The following IL16 variants were observed in gnomAD, a reference collection of about 807,000 sequenced individuals.
IL16 encodes the protein pro-interleukin-16.
A neutral mutation model predicts 110.1 loss-of-function variants in IL16; 67 were observed. The ratio of observed to expected loss-of-function variants is 0.61; its 90% confidence interval spans 0.50 to 0.75. IL16 has a LOEUF of 0.75. Among genes scored for constraint, IL16 ranks in the 30% least tolerant of loss-of-function variants. IL16 has a pLI of 0.00. For missense variants in IL16, 1,545 were observed against 1,655.0 expected (o/e 0.93, Z 1.15); for synonymous variants, 689 against 662.9 (o/e 1.04, Z -0.61).
In IL16 at chr15:81,311,238, A is replaced by G. The variant is rs1389503792; in HGVS notation, c.*2440A>G. 2.0e-5 allele frequency: 3 copies of G among 152,222 alleles called. No homozygotes were observed. The East Asian group carries it at 5.8e-4, about 29-fold the overall frequency. The allele number at this position is 152,222 out of a possible 1,614,324, so 9.4% of individuals were successfully genotyped here. On this transcript the variant is annotated 3_prime_UTR_variant, in exon 19 of 19. Coordinates refer to ENST00000683961, the MANE Select transcript of IL16 (RefSeq NM_172217.5). ...TTGTGAAGTCGTCTTAACTCACCAT[A>G]AAAAGGAATCCACTCCCAGGCAGCC...
chr15:81,296,923 C>A lies in IL16; in HGVS notation c.1903-5C>A. The stretch of plus-strand genomic sequence containing the variant: ...ACATGGTCTCGCTTCCTGTTTACAC[C>A]ACAGGAAGCGAGAGAGCTGCTGCCA... On this transcript the variant is annotated splice_polypyrimidine_tract_variant and splice_region_variant and intron_variant, in intron 12 of 18. Coordinates refer to ENST00000683961, the MANE Select transcript of IL16 (RefSeq NM_172217.5). The A allele has an allele frequency of 6.2e-7, 1 of 1,605,752 alleles. No individual in the cohort carries two copies. The highest frequency in any genetic ancestry group is 8.5e-7 in the Non-Finnish European group (1 of 1,175,768).
chr15:81,223,865 G>C (rs1285071177), intron 1 of IL16, among the ~76,000 whole-genome samples: 1 of 152,222 alleles, frequency 6.6e-6, no homozygotes, highest in East Asian at 1.9e-4. Context: ...GAACTCTGCA[G>C]AGGCTTGGAT....
intron 1 of IL16, among the ~76,000 whole-genome samples, chr15:81,222,391 T>TTA (rs1555414392): frequency 4.0e-5 from 6 of 149,144 alleles, no homozygotes; most frequent in African/African-American, 1.5e-4. Flanking sequence ...TTTTTTTTTT[T>TTA]AAGCAAAAAG....
chr15:81,210,854 C>A (rs532917764), intron 1 of IL16, among the ~76,000 whole-genome samples: 2 of 152,290 alleles, frequency 1.3e-5, no homozygotes, highest in East Asian at 3.9e-4. Flanking sequence ...TGCCTGATTG[C>A]TCTGGCTAGA....
intron 10 of IL16, 130 bp downstream of exon 10, chr15:81,285,960 A>C (rs180954053): frequency 2.1e-6 from 2 of 944,966 alleles, no homozygotes; most frequent in African/African-American, 3.3e-5. Context: ...ATCCCTTCCA[A>C]GTTTCTGTAG....
intron 10 of IL16, among the ~76,000 whole-genome samples, chr15:81,288,603 A>T (rs1406504363): frequency 6.6e-6 from 1 of 152,204 alleles, no homozygotes; most frequent in African/African-American, 2.4e-5. Flanking sequence ...TCTACCAGTT[A>T]AACAAGTCCC....
At chr15:81,261,899 T>C (rs1898172481) in intron 3 of IL16, among the ~76,000 whole-genome samples, 1 of 151,986 alleles carries the variant, frequency 6.6e-6, no homozygotes, top group African/African-American at 2.4e-5. Flanking sequence ...TGAAACCATG[T>C]CTCTACAAAA....
intron 1 of IL16, among the ~76,000 whole-genome samples, chr15:81,203,145 A>G (rs9673004): frequency 0.14 from 19,628 of 138,816 alleles, 2,871 homozygotes; most frequent in African/African-American, 0.41. Context: ...GTCTGTTCAT[A>G]TCCTTCACCC....
chr15:81,186,384 G>A (rs1245257222), intron 1 of IL16, among the ~76,000 whole-genome samples: 2 of 152,180 alleles, frequency 1.3e-5, no homozygotes, highest in African/African-American at 4.8e-5. Flanking sequence ...TTGAACACAG[G>A]CGGGTCTATT....
At chr15:81,189,522 T>A (rs1895467234) in intron 1 of IL16, among the ~76,000 whole-genome samples, 1 of 152,042 alleles carries the variant, frequency 6.6e-6, no homozygotes, top group Non-Finnish European at 1.5e-5. Context: ...TGGCCTCAAG[T>A]GATTCTCCCA....
intron 2 of IL16, among the ~76,000 whole-genome samples, chr15:81,242,351 G>A (rs904756594): frequency 1.3e-5 from 2 of 152,108 alleles, no homozygotes; most frequent in African/African-American, 4.8e-5. Context: ...ACTATGCTGA[G>A]TTTTTCAATC....
chr15:81,280,356 G>T (rs1899119160), intron 8 of IL16, among the ~76,000 whole-genome samples: 1 of 152,254 alleles, frequency 6.6e-6, no homozygotes, highest in Non-Finnish European at 1.5e-5. Flanking sequence ...AGGCCAGCAT[G>T]GCTGGAGCTA....
At chr15:81,182,878 T>C (rs1895364583) in exon 1 of IL16, 1 of 1,289,460 alleles carries the variant, frequency 7.8e-7, no homozygotes, top group African/African-American at 1.5e-5. Flanking sequence ...GAAGAGAGTC[T>C]TCCCGAGAAG....
intron 1 of IL16, among the ~76,000 whole-genome samples, chr15:81,221,841 G>T (rs1205649245): frequency 6.6e-6 from 1 of 152,128 alleles, no homozygotes; most frequent in Non-Finnish European, 1.5e-5. Context: ...TGATTCTCTT[G>T]GGAAGAGCTT....
Position 81,285,865 on chromosome 15 carries a change from C to T in IL16, c.1332+35C>T, listed in dbSNP as rs139031744. ...ACTGGGTTATCCTCTTCTTCTCAGGCTCACTCGTTCAGTACCAAAATTGGA... is the reference window on the plus strand; with the variant it reads ...ACTGGGTTATCCTCTTCTTCTCAGGTTCACTCGTTCAGTACCAAAATTGGA... On this transcript the variant is annotated intron_variant, in intron 10 of 18. Coordinates refer to ENST00000683961, the MANE Select transcript of IL16 (RefSeq NM_172217.5). 4 of 1,609,484 alleles carry T rather than the reference C, an allele frequency of 2.5e-6. No homozygotes were observed. The East Asian group carries it at 6.7e-5, about 27-fold the overall frequency.
At chr15:81,217,849 C>T (rs544312944) in intron 1 of IL16, among the ~76,000 whole-genome samples, 1 of 152,124 alleles carries the variant, frequency 6.6e-6, no homozygotes, top group South Asian at 2.1e-4. Context: ...AAAATGCTTC[C>T]AAAATTATCA....
intron 1 of IL16, among the ~76,000 whole-genome samples, chr15:81,197,699 G>A (rs1440317580): frequency 6.6e-6 from 1 of 151,918 alleles, no homozygotes; most frequent in Non-Finnish European, 1.5e-5. Context: ...TCCCAGGATT[G>A]GTGTTTTTTT....
chr15:81,226,159 G>A (rs74904048), intron 2 of IL16, among the ~76,000 whole-genome samples: 100 of 152,326 alleles, frequency 6.6e-4, no homozygotes, highest in African/African-American at 2.3e-3. Flanking sequence ...GAGTGAGTTT[G>A]TTCCCTGAAT....
At chr15:81,226,679 T>C (rs1053980848) in intron 2 of IL16, among the ~76,000 whole-genome samples, 3 of 152,186 alleles carry the variant, frequency 2.0e-5, no homozygotes, top group African/African-American at 7.2e-5. Context: ...ACAGCATCCT[T>C]AAGAGCCTCA....
Sources: gnomAD v4.1 joint callset for allele counts (sites outside exome capture counted in the v4.1 genomes callset) on GRCh38, gnomAD v4.1.1 for gene constraint, MANE v1.5 for transcripts, NCBI Gene and HGNC (gene_info 2026-07-23, HGNC 2026-07-21) for gene names.